The following PCDHGA7 variants were observed in gnomAD, a reference collection of about 807,000 sequenced individuals.
PCDHGA7 encodes the protein protocadherin gamma-A7.
PCDHGA7 carries 44 observed loss-of-function variants against 58.3 expected under a neutral mutation model. The observed-to-expected ratio is 0.75, with a 90% CI of 0.59 to 0.97. The LOEUF is 0.97. PCDHGA7 is among the 50% of genes least tolerant of loss of function. The pLI, the probability that PCDHGA7 is intolerant of heterozygous loss-of-function variation, is 0.00. For synonymous variants in PCDHGA7, 516 were observed against 504.2 expected, an observed-to-expected ratio of 1.02 and a Z score of -0.31; for missense variants, 1,266 against 1,188.7, an observed-to-expected ratio of 1.06 and a Z score of -0.96.
In PCDHGA7 at chr5:141,476,432, G is replaced by T; in HGVS notation, c.2425-18375G>T. 6.2e-7 allele frequency: 1 copy of T among 1,614,116 alleles called. No individual in the cohort carries two copies. The highest frequency in any genetic ancestry group is 8.5e-7 in the Non-Finnish European group (1 of 1,180,028). ...GTGTGGGACACTGCCCTCTTGCACT[G>T]TAACTCTGGAGTTGGTAGTGGAGAA... On this transcript the variant is annotated intron_variant, in intron 1 of 3. Coordinates refer to ENST00000518325, the MANE Select transcript of PCDHGA7 (RefSeq NM_018920.4). The surrounding 1 kb of genome is among the most constrained non-coding windows in gnomAD (Gnocchi z 7.6).
intron 1 of PCDHGA7, chr5:141,427,536 G>A (rs758610182): frequency 4.8e-6 from 3 of 626,396 alleles, no homozygotes; most frequent in Middle Eastern, 2.5e-4. Flanking sequence ...GGAGTACAAC[G>A]TCACCATCAC....
intron 1 of PCDHGA7, chr5:141,392,124 A>G (rs1448052063): frequency 1.3e-5 from 2 of 152,226 alleles, no homozygotes; most frequent in Admixed American, 1.3e-4. Flanking sequence ...GAAAGCTTGT[A>G]AAATGATTAA....
At position 141,385,321 on chromosome 5, in the gene PCDHGA7, C is replaced by T. The variant is rs1267234548; in HGVS notation, c.2422C>T (p.Gln808Ter). The change falls in exon 1 of 4, where the codon CAG becomes TAG. Residue 808 changes from glutamine to a stop codon, truncating the protein, a stop_gained and splice_region_variant. Transcript: ENST00000518325. LOFTEE classifies it high-confidence loss of function. ...QECKENLPSI[Q>*]QAPPNTDWRF... ...ATGTAAAGAAAACCTGCCAAGTATT[C>T]AGGTGAGCCCAGCCCTTCCTTTATT... 3.7e-6 allele frequency: 6 copies of T among 1,606,764 alleles called. No homozygotes were observed. The South Asian group carries it at 6.7e-5, about 18-fold the overall frequency.
At position 141,486,706 on chromosome 5, in the gene PCDHGA7, C is replaced by G; in HGVS notation, c.2425-8101C>G. 6.2e-7 allele frequency: 1 copy of G among 1,614,154 alleles called. No homozygotes were observed. Among genetic ancestry groups the G allele is most frequent in the Non-Finnish European group, 8.5e-7 (1 of 1,180,024 alleles). ...CAGCTTCCTCTTTCATCTCTCTGAA[C>G]CCCCAGACAGGAGCTGTTCATGCTA... On this transcript the variant is annotated intron_variant, in intron 1 of 3. Coordinates refer to ENST00000518325, the MANE Select transcript of PCDHGA7 (RefSeq NM_018920.4). This position sits in a 1 kb window ranked among gnomAD's most constrained non-coding sequence, Gnocchi z 5.0.
chr5:141,388,849 G>A, intron 1 of PCDHGA7: 1 of 1,614,026 alleles, frequency 6.2e-7, no homozygotes, highest in Non-Finnish European at 8.5e-7. Flanking sequence ...GCAAGGGACG[G>A]TGGAGGAATG....
chr5:141,405,346 G>C (rs184640789), intron 1 of PCDHGA7: 4 of 1,614,108 alleles, frequency 2.5e-6, no homozygotes, highest in Non-Finnish European at 3.4e-6. Context: ...TTGATTCCAA[G>C]TTTCCTATAG....
intron 2 of PCDHGA7, 106 bp downstream of exon 2, chr5:141,494,971 C>T (rs1244836841): frequency 1.3e-6 from 2 of 1,583,382 alleles, no homozygotes; most frequent in African/African-American, 1.3e-5. Context: ...ATGGCTTCTC[C>T]CTCAGTTTGA....
chr5:141,427,776 G>A (rs3828681), intron 1 of PCDHGA7: 73,622 of 1,424,156 alleles, frequency 0.052, 2,339 homozygotes, highest in African/African-American at 0.13. Flanking sequence ...GGAGCTGCGG[G>A]CACTGTCGTC....
In PCDHGA7 at chr5:141,493,548, G is replaced by A. The variant is rs1243278355; in HGVS notation, c.2425-1259G>A. 3.9e-5 allele frequency among the ~76,000 whole-genome samples: 6 copies of A among 152,196 alleles called. No homozygotes were observed. ...AAACTTGGCCAGTTATCCTTTTGGA[G>A]ATTGAGTTCCCCCAGCTCCGTTTCC... On this transcript the variant is annotated intron_variant, in intron 1 of 3. Coordinates refer to ENST00000518325, the MANE Select transcript of PCDHGA7 (RefSeq NM_018920.4). This position sits in a 1 kb window ranked among gnomAD's most constrained non-coding sequence, Gnocchi z 4.3.
chr5:141,388,630 T>C (rs754073337), intron 1 of PCDHGA7: 1 of 1,613,816 alleles, frequency 6.2e-7, no homozygotes, highest in Non-Finnish European at 8.5e-7. Flanking sequence ...GTATACAGGG[T>C]GAGCCTTTCA....
rs553673516 is a variant in PCDHGA7, at chr5:141,476,211, T to C, written c.2425-18596T>C. The C allele has an allele frequency of 5.4e-5, 87 of 1,613,942 alleles. No individual in the cohort carries two copies. The highest frequency in any genetic ancestry group is 7.0e-5 in the Non-Finnish European group (83 of 1,180,000). ...GGTGCCTTGAACAAGGCTTCCACGG[T>C]CATTCACTATGAGATCCCGGAGGAA... On this transcript the variant is annotated intron_variant, in intron 1 of 3. Coordinates refer to ENST00000518325, the MANE Select transcript of PCDHGA7 (RefSeq NM_018920.4). The surrounding 1 kb of genome is among the most constrained non-coding windows in gnomAD (Gnocchi z 7.6).
chr5:141,441,823 C>A (rs538052540), intron 1 of PCDHGA7: 6 of 357,336 alleles, frequency 1.7e-5, no homozygotes, highest in South Asian at 7.1e-5. Flanking sequence ...AGCTCTGGAG[C>A]GCAATGGCTT....
At chr5:141,408,806 C>T in intron 1 of PCDHGA7, 1 of 1,613,010 alleles carries the variant, frequency 6.2e-7, no homozygotes, top group Non-Finnish European at 8.5e-7. Flanking sequence ...ACTCCTAGAC[C>T]GGGAAGAACA....
Position 141,487,278 on chromosome 5 carries a change from T to G in PCDHGA7, c.2425-7529T>G. 6 of 1,614,180 alleles carry G rather than the reference T, an allele frequency of 3.7e-6. No individual in the cohort carries two copies. Among genetic ancestry groups the G allele is most frequent in the Non-Finnish European group, 5.1e-6 (6 of 1,180,040 alleles). On this transcript the variant is annotated intron_variant, in intron 1 of 3. Coordinates refer to ENST00000518325, the MANE Select transcript of PCDHGA7 (RefSeq NM_018920.4). The surrounding 1 kb of genome is among the most constrained non-coding windows in gnomAD (Gnocchi z 5.0). Reference sequence around the variant, plus strand: ...GCTGTGTCCCTAGTGGCAATTTGCTTTGTCTCCTTTGGCTCATTCGTGGCA... The same window carrying G: ...GCTGTGTCCCTAGTGGCAATTTGCTGTGTCTCCTTTGGCTCATTCGTGGCA...
chr5:141,462,617 T>C (rs1413543706), intron 1 of PCDHGA7, among the ~76,000 whole-genome samples: 1 of 151,850 alleles, frequency 6.6e-6, no homozygotes, highest in East Asian at 1.9e-4. Context: ...TTTTCACTTT[T>C]AGAAGTTCCA....
chr5:141,408,203 A>G (rs1299661641), intron 1 of PCDHGA7: 2 of 1,550,806 alleles, frequency 1.3e-6, no homozygotes, highest in African/African-American at 1.4e-5. Flanking sequence ...CGAGCGAACG[A>G]TGGGAGGGAG....
Position 141,408,292 on chromosome 5 carries a change from T to C in PCDHGA7, c.2424+22969T>C, listed in dbSNP as rs752767472. On this transcript the variant is annotated intron_variant, in intron 1 of 3. Coordinates refer to ENST00000518325, the MANE Select transcript of PCDHGA7 (RefSeq NM_018920.4). ...TGCCTTTGTTCTACCCCACCCTGAGTGAGCCGATCCGCTACTCGATTCCGG... is the reference window on the plus strand; with the variant it reads ...TGCCTTTGTTCTACCCCACCCTGAGCGAGCCGATCCGCTACTCGATTCCGG... The C allele has an allele frequency of 5.0e-6, 8 of 1,613,504 alleles. No homozygotes were observed. The South Asian group carries it at 8.8e-5, about 18-fold the overall frequency.
intron 1 of PCDHGA7, among the ~76,000 whole-genome samples, chr5:141,454,195 T>C (rs1295815862): frequency 6.6e-6 from 1 of 152,136 alleles, no homozygotes; most frequent in Admixed American, 6.6e-5. Context: ...TTAGTGAAGG[T>C]GAATTTATTG....
intron 1 of PCDHGA7, among the ~76,000 whole-genome samples, chr5:141,420,713 G>GT (rs1303648273): frequency 3.3e-5 from 5 of 152,078 alleles, no homozygotes; most frequent in African/African-American, 1.2e-4. Context: ...CAGAAATGTC[G>GT]TTCCTTTCAG....
Sources: allele counts gnomAD v4.1 joint callset (sites outside exome capture counted in the v4.1 genomes callset), GRCh38; gene constraint gnomAD v4.1.1; non-coding constraint Gnocchi (gnomAD v3.1); transcripts MANE v1.5; gene names NCBI Gene and HGNC (gene_info 2026-07-23, HGNC 2026-07-21).